The following GLIPR2 variants were observed in gnomAD, a reference collection of about 807,000 sequenced individuals.
The protein encoded by GLIPR2 is GLI pathogenesis related 2.
A neutral mutation model predicts 20.4 loss-of-function variants in GLIPR2; 21 were observed. The observed-to-expected ratio is 1.03, with a 90% CI of 0.73 to 1.48. The LOEUF is 1.48. Ranked by LOEUF, GLIPR2 falls within the 40% of genes most tolerant of loss-of-function variation. The pLI, the probability that GLIPR2 is intolerant of heterozygous loss-of-function variation, is 0.00. For synonymous variants in GLIPR2, 91 were observed against 80.5 expected, an observed-to-expected ratio of 1.13 and a Z score of -0.70; for missense variants, 205 against 200.1, an observed-to-expected ratio of 1.02 and a Z score of -0.15.
rs1824862775 is a variant in GLIPR2 at position 36,137,215 on chromosome 9, A to C, written c.13+424A>C. ...TCCATTTGTTGTTCCTTCTCTCCTG[A>C]GCGCCCGCGCCGTGCCGGGCTCCCC... On this transcript the variant is annotated intron_variant, in intron 1 of 4. Transcript: ENST00000377960. Among the ~76,000 whole-genome samples, 4 of 151,868 alleles carry C rather than the reference A, an allele frequency of 2.6e-5. 1 individual carries two copies. The highest frequency in any genetic ancestry group is 5.9e-5 in the Non-Finnish European group (4 of 67,890).
intron 4 of GLIPR2, among the ~76,000 whole-genome samples, chr9:36,156,100 C>T (rs1408604725): frequency 1.3e-5 from 2 of 152,086 alleles, no homozygotes; most frequent in East Asian, 3.8e-4. Flanking sequence ...ATCCCAGCTA[C>T]TTGGGAGGCT....
intron 4 of GLIPR2, among the ~76,000 whole-genome samples, chr9:36,157,084 T>C (rs1033056600): frequency 5.9e-5 from 9 of 151,952 alleles, no homozygotes; most frequent in African/African-American, 2.2e-4. Context: ...TGGCGTGATC[T>C]TGGCTCACTG....
chr9:36,137,557 TG>T lies in GLIPR2; in HGVS notation c.13+769del, dbSNP rs1824881036. ...ATCCCATCCCTCTAGGCTCAGCTCCTGGGCTGGAGCCCATCTGTGATTCCCC... is the reference window on the plus strand; with the variant it reads ...ATCCCATCCCTCTAGGCTCAGCTCCTGGCTGGAGCCCATCTGTGATTCCCC... On this transcript the variant is annotated intron_variant, in intron 1 of 4. Coordinates refer to ENST00000377960, the MANE Select transcript of GLIPR2 (RefSeq NM_022343.4). Among the ~76,000 whole-genome samples the T allele has an allele frequency of 3.3e-5, 5 of 152,190 alleles. No individual in the cohort carries two copies. The South Asian group carries it at 1.0e-3, about 32-fold the overall frequency.
At chr9:36,136,691 A>C, upstream of GLIPR2, 3 of 993,706 alleles carry the variant, frequency 3.0e-6, no homozygotes, top group Non-Finnish European at 3.9e-6. This position sits in a 1 kb window ranked among gnomAD's most constrained non-coding sequence, Gnocchi z 4.3. Flanking sequence ...CCGCGGCATC[A>C]GCCCGGTCCT....
intron 4 of GLIPR2, among the ~76,000 whole-genome samples, chr9:36,161,329 G>A (rs1826043868): frequency 6.6e-6 from 1 of 152,090 alleles, no homozygotes; most frequent in African/African-American, 2.4e-5. Flanking sequence ...AATAAATCTA[G>A]GGGGACAAAA....
chr9:36,153,827 G>A (rs971301952), intron 4 of GLIPR2, among the ~76,000 whole-genome samples: 2 of 151,816 alleles, frequency 1.3e-5, no homozygotes, highest in African/African-American at 4.8e-5. Flanking sequence ...CTTGAACCCT[G>A]GAGGCGGAGG....
At chr9:36,155,841 A>G (rs950789270) in intron 4 of GLIPR2, among the ~76,000 whole-genome samples, 2 of 152,080 alleles carry the variant, frequency 1.3e-5, no homozygotes, top group Admixed American at 1.3e-4. Flanking sequence ...TGGGAGGCCA[A>G]GGCAAGAGGA....
chr9:36,151,579 T>C (rs918093638), intron 4 of GLIPR2, among the ~76,000 whole-genome samples: 1 of 152,054 alleles, frequency 6.6e-6, no homozygotes, highest in Non-Finnish European at 1.5e-5. Context: ...TGGACTTGAG[T>C]CAATTCCTGT....
intron 1 of GLIPR2, among the ~76,000 whole-genome samples, chr9:36,142,184 T>G (rs148901727): frequency 2.4e-4 from 36 of 152,240 alleles, no homozygotes; most frequent in African/African-American, 7.9e-4. Context: ...ACTTCAGAGA[T>G]CTGAAGTCAG....
intron 4 of GLIPR2, 123 bp downstream of exon 4, chr9:36,151,072 A>G: frequency 1.4e-6 from 1 of 709,714 alleles, no homozygotes; most frequent in South Asian, 1.5e-5. Flanking sequence ...AATCTCTTCC[A>G]TATTTCTCTG....
At chr9:36,162,224 C>T in intron 4 of GLIPR2, 138 bp from the exon 5 acceptor site, 1 of 1,573,904 alleles carries the variant, frequency 6.4e-7, no homozygotes, top group Non-Finnish European at 8.6e-7. Flanking sequence ...TCTCTCCTTC[C>T]CCTGCAGGGG....
chr9:36,161,326 C>T (rs1323259001), intron 4 of GLIPR2, among the ~76,000 whole-genome samples: 2 of 152,014 alleles, frequency 1.3e-5, no homozygotes, highest in East Asian at 3.9e-4. Context: ...AGGAATAAAT[C>T]TAGGGGGACA....
At chr9:36,153,119 T>A (rs2132758401) in intron 4 of GLIPR2, among the ~76,000 whole-genome samples, 1 of 117,062 alleles carries the variant, frequency 8.5e-6, no homozygotes, top group Admixed American at 9.0e-5. Flanking sequence ...CGAGACTCTG[T>A]CTCAAAAAAA....
upstream of GLIPR2, chr9:36,136,717 G>A: frequency 1.7e-6 from 2 of 1,154,910 alleles, no homozygotes; most frequent in Non-Finnish European, 1.1e-6. This position sits in a 1 kb window ranked among gnomAD's most constrained non-coding sequence, Gnocchi z 4.3. Flanking sequence ...CTGGGGCGGC[G>A]CTGGGCCGGG....
At chr9:36,138,356 C>T (rs1246349144) in intron 1 of GLIPR2, among the ~76,000 whole-genome samples, 3 of 152,034 alleles carry the variant, frequency 2.0e-5, no homozygotes, top group Non-Finnish European at 2.9e-5. Context: ...TCCTGAGTAG[C>T]TGGGATTACA....
intron 1 of GLIPR2, chr9:36,141,730 T>G: frequency 2.3e-6 from 1 of 433,408 alleles, no homozygotes; most frequent in Non-Finnish European, 4.6e-6. Context: ...CATGGCTCAC[T>G]GCAGCCTCGA....
chr9:36,139,315 A>C (rs1271878394), intron 1 of GLIPR2, among the ~76,000 whole-genome samples: 1 of 152,082 alleles, frequency 6.6e-6, no homozygotes, highest in Non-Finnish European at 1.5e-5. Flanking sequence ...CCCCTAACAC[A>C]CACACACACA....
At chr9:36,139,021 A>G (rs1051197698) in intron 1 of GLIPR2, among the ~76,000 whole-genome samples, 2 of 152,008 alleles carry the variant, frequency 1.3e-5, no homozygotes, top group African/African-American at 4.8e-5. Flanking sequence ...GATAGGGGAG[A>G]CTGCCGCAGT....
rs1298860178 is a variant in GLIPR2 at position 36,147,809 on chromosome 9, G to A, written c.37G>A (p.Val13Ile). The part of the protein sequence containing the change: ...KSASKQFHNE[V>I]LKAHNEYRQK... Reference sequence around the variant, plus strand: ...AGCTTCCAAACAGTTTCATAATGAGGTCCTGAAGGCCCACAATGAGTACCG... The same window carrying A: ...AGCTTCCAAACAGTTTCATAATGAGATCCTGAAGGCCCACAATGAGTACCG... The change falls in exon 2 of 5, where the codon GTC becomes ATC. Residue 13 changes from valine (V) to isoleucine (I), a missense_variant. Transcript: ENST00000377960. 4 of 1,565,684 alleles carry A rather than the reference G, an allele frequency of 2.6e-6. No homozygotes were observed. The highest frequency in any genetic ancestry group is 1.4e-5 in the African/African-American group (1 of 73,904).
Sources: allele counts gnomAD v4.1 joint callset (sites outside exome capture counted in the v4.1 genomes callset), GRCh38; gene constraint gnomAD v4.1.1; non-coding constraint Gnocchi (gnomAD v3.1); transcripts MANE v1.5; gene names NCBI Gene and HGNC (gene_info 2026-07-23, HGNC 2026-07-21).